The following ADCY6 variants were observed in gnomAD, a reference collection of about 807,000 sequenced individuals.
ADCY6 encodes the protein adenylate cyclase 6, also known as adenylate cyclase type 6.
Under a neutral mutation model 111.6 loss-of-function variants are expected in ADCY6, and 59 were observed. The ratio of observed to expected loss-of-function variants is 0.53; its 90% CI spans 0.43 to 0.66. The LOEUF is 0.66. Among genes scored for constraint, ADCY6 ranks in the 30% least tolerant of loss-of-function variants. ADCY6 has a pLI of 0.00. For missense variants in ADCY6, 1,242 were observed against 1,595.6 expected (o/e 0.78, Z 3.78); for synonymous variants, 576 against 642.9 (o/e 0.90, Z 1.57).
intron 16 of ADCY6, 36 bp from the exon 17 acceptor site, chr12:48,772,579 C>T (rs1941580153): frequency 1.2e-6 from 2 of 1,613,152 alleles, no homozygotes; most frequent in Non-Finnish European, 1.7e-6. Context: ...GTCATCAGTG[C>T]TTCCTGGATT....
At chr12:48,784,302 G>C (rs2137393091) in intron 1 of ADCY6, among the ~76,000 whole-genome samples, 1 of 140,316 alleles carries the variant, frequency 7.1e-6, no homozygotes, top group Middle Eastern at 3.5e-3. Context: ...GGAAGGAAGG[G>C]AGGGAAGGGA....
intron 16 of ADCY6, 133 bp from the exon 17 acceptor site, chr12:48,772,676 T>A: frequency 1.0e-6 from 1 of 996,972 alleles, no homozygotes; most frequent in Non-Finnish European, 1.5e-6. Flanking sequence ...GGCTTTTACT[T>A]ACATTAATTA....
intron 2 of ADCY6, among the ~76,000 whole-genome samples, chr12:48,780,843 T>C (rs574739340): frequency 1.3e-5 from 2 of 152,302 alleles, no homozygotes; most frequent in East Asian, 3.9e-4. Flanking sequence ...GACAGTGCCC[T>C]AAGGGCACGT....
At chr12:48,775,772 C>A in intron 9 of ADCY6, 74 bp from the exon 10 acceptor site, 1 of 1,564,234 alleles carries the variant, frequency 6.4e-7, no homozygotes, top group Non-Finnish European at 8.7e-7. Context: ...TTCCCCCACC[C>A]CAACACTGTG....
At chr12:48,784,549 G>A (rs758748082) in intron 1 of ADCY6, among the ~76,000 whole-genome samples, 1 of 151,544 alleles carries the variant, frequency 6.6e-6, no homozygotes, top group Non-Finnish European at 1.5e-5. Context: ...GGGAGGAAAA[G>A]AGTTCATACC....
rs1031645727 is a variant in ADCY6, at chr12:48,782,455, C to T, written c.864+116G>A. 18 of 1,464,450 alleles carry T rather than the reference C, an allele frequency of 1.2e-5. No individual in the cohort carries two copies. Among genetic ancestry groups the T allele is most frequent in the Non-Finnish European group, 1.6e-5 (18 of 1,107,178 alleles). 90.7% of individuals were successfully genotyped at this position (1,464,450 alleles called of 1,614,324 possible). A position where few individuals can be genotyped will look rare whatever the true frequency, so the allele number is the denominator to read the frequency against. Reference sequence around the variant, plus strand: ...TCCTCCCAGATACAGCCAGACATCCCTGCACCCAGCTTCCACCCATGACTC... The same window carrying T: ...TCCTCCCAGATACAGCCAGACATCCTTGCACCCAGCTTCCACCCATGACTC... On this transcript the variant is annotated intron_variant, in intron 2 of 21. Coordinates refer to ENST00000357869, the MANE Select transcript of ADCY6 (RefSeq NM_015270.5). This position sits in a 1 kb window ranked among gnomAD's most constrained non-coding sequence, Gnocchi z 4.3.
At position 48,771,695 on chromosome 12, in the gene ADCY6, C is replaced by T. The variant is rs759549914; in HGVS notation, c.3051+15G>A. The T allele has an allele frequency of 6.2e-7, 1 of 1,613,776 alleles. No homozygotes were observed. On this transcript the variant is annotated intron_variant, in intron 19 of 21. Coordinates refer to ENST00000357869, the MANE Select transcript of ADCY6 (RefSeq NM_015270.5). This position sits in a 1 kb window ranked among gnomAD's most constrained non-coding sequence, Gnocchi z 4.3. ...CCCCCCACTCTCTGCCACCACCAGC[C>T]AACTGGAAAAGTACCTCATCAAAGT...
At chr12:48,770,744 C>T in intron 20 of ADCY6, 22 bp downstream of exon 20, 1 of 1,609,222 alleles carries the variant, frequency 6.2e-7, no homozygotes, top group Non-Finnish European at 8.5e-7. Context: ...GGAAAACCCG[C>T]CAAGCAACAA....
intron 1 of ADCY6, among the ~76,000 whole-genome samples, chr12:48,785,199 A>G (rs1370498366): frequency 1.3e-5 from 2 of 152,098 alleles, no homozygotes; most frequent in Non-Finnish European, 2.9e-5. Context: ...AGCAACTGCC[A>G]TTCTATATAT....
chr12:48,768,230 C>G lies in ADCY6; in HGVS notation c.*361G>C, dbSNP rs938316144. The G allele has an allele frequency of 1.4e-5, 5 of 353,914 alleles. No individual in the cohort carries two copies. The Admixed American group carries it at 2.1e-4, about 15-fold the overall frequency. The allele number at this position is 353,914 out of a possible 1,614,324, so 21.9% of individuals were successfully genotyped here. Reference sequence around the variant, plus strand: ...AAGGGCTCAGCCCTGAACCTGCTGCCCAGACAGACAGGGAAGGGTAGGCAT... The same window carrying G: ...AAGGGCTCAGCCCTGAACCTGCTGCGCAGACAGACAGGGAAGGGTAGGCAT... On this transcript the variant is annotated 3_prime_UTR_variant, in exon 22 of 22. Transcript: ENST00000357869.
intron 1 of ADCY6, among the ~76,000 whole-genome samples, chr12:48,786,779 A>G (rs1941985967): frequency 6.6e-6 from 1 of 152,206 alleles, no homozygotes. Flanking sequence ...GCTCTTCAAA[A>G]TACTTCATTA....
Position 48,776,307 on chromosome 12 carries a change from C to G in ADCY6, c.1579G>C (p.Asp527His). 6.2e-7 allele frequency: 1 copy of G among 1,614,252 alleles called. No individual in the cohort carries two copies. Among genetic ancestry groups the G allele is most frequent in the Non-Finnish European group, 8.5e-7 (1 of 1,180,052 alleles). The change falls in exon 8 of 22, where the codon GAC (aspartate) becomes CAC (histidine). Residue 527 changes from aspartate (D) to histidine (H), a missense_variant. This residue lies in a region of ADCY6 where 260 missense variants were observed against 414.6 expected (regional missense o/e 0.63). Coordinates refer to ENST00000357869, the MANE Select transcript of ADCY6 (RefSeq NM_015270.5). The surrounding 1 kb of genome is among the most constrained non-coding windows in gnomAD (Gnocchi z 6.1). ...TRATLQYLNG[D>H]YEVEPGRGGE... ...CCACGGCCTGGCTCCACCTCGTAGT[C>G]CCCGTTCAGGTACTGCAGTGTTGCC... is the stretch of plus-strand genomic sequence containing the variant.
chr12:48,774,378 G>A, intron 14 of ADCY6, 24 bp downstream of exon 14: 4 of 1,583,814 alleles, frequency 2.5e-6, no homozygotes, highest in African/African-American at 1.3e-5. Context: ...AGCAGAGGTG[G>A]GAGAATTCCC....
At chr12:48,769,136 C>G (rs1049776792) in intron 20 of ADCY6, 75 bp from the exon 21 acceptor site, 60 of 1,388,016 alleles carry the variant, frequency 4.3e-5, no homozygotes, top group Middle Eastern at 1.9e-4. Context: ...CCTCCTGGCA[C>G]TGGTAGAAGG....
At position 48,782,508 on chromosome 12, in the gene ADCY6, C is replaced by T. The variant is rs772606594; in HGVS notation, c.864+63G>A. On this transcript the variant is annotated intron_variant, in intron 2 of 21. Transcript: ENST00000357869. The surrounding 1 kb of genome is among the most constrained non-coding windows in gnomAD (Gnocchi z 4.3). ...CCGCCCTTCCTCACTAAGCCCCCACCTGCTTATGAGGTGAGAAATTCCCCA... is the reference window on the plus strand; with the variant it reads ...CCGCCCTTCCTCACTAAGCCCCCACTTGCTTATGAGGTGAGAAATTCCCCA... 1 of 1,540,218 alleles carries T rather than the reference C, an allele frequency of 6.5e-7. No individual in the cohort carries two copies. Among genetic ancestry groups the T allele is most frequent in the Non-Finnish European group, 8.8e-7 (1 of 1,142,626 alleles).
chr12:48,772,626 C>T, intron 16 of ADCY6, 83 bp from the exon 17 acceptor site: 1 of 1,505,594 alleles, frequency 6.6e-7, no homozygotes, highest in South Asian at 1.1e-5. Context: ...CAAGAGACTG[C>T]ATTTACTGAG....
chr12:48,787,548 C>T (rs1326315596), intron 1 of ADCY6, among the ~76,000 whole-genome samples: 1 of 152,188 alleles, frequency 6.6e-6, no homozygotes, highest in Non-Finnish European at 1.5e-5. Context: ...CCATGCCAGA[C>T]TGGTATGGCA....
chr12:48,782,751 G>A lies in ADCY6; in HGVS notation c.684C>T (p.Leu228=), dbSNP rs770965801. The change falls in exon 2 of 22, where the codon CTC becomes CTT. Residue 228 remains leucine, a synonymous_variant. Coordinates refer to ENST00000357869, the MANE Select transcript of ADCY6 (RefSeq NM_015270.5). This position sits in a 1 kb window ranked among gnomAD's most constrained non-coding sequence, Gnocchi z 4.3. The part of the protein sequence containing the change: ...ILAAVQVGGA[L]AADPRSPSAG... Reference sequence around the variant, plus strand: ...CAGAGGGGCTGCGCGGGTCTGCTGCGAGAGCGCCCCCGACCTGCACTGCCG... The same window carrying A: ...CAGAGGGGCTGCGCGGGTCTGCTGCAAGAGCGCCCCCGACCTGCACTGCCG... 1.2e-6 allele frequency: 2 copies of A among 1,608,282 alleles called. No homozygotes were observed. Among genetic ancestry groups the A allele is most frequent in the South Asian group, 2.2e-5 (2 of 90,342 alleles).
Position 48,768,493 on chromosome 12 carries a change from G to A in ADCY6, c.*98C>T. 1 of 1,560,610 alleles carries A rather than the reference G, an allele frequency of 6.4e-7. No homozygotes were observed. Among genetic ancestry groups the A allele is most frequent in the South Asian group, 1.1e-5 (1 of 89,076 alleles). On this transcript the variant is annotated 3_prime_UTR_variant, in exon 22 of 22. Coordinates refer to ENST00000357869, the MANE Select transcript of ADCY6 (RefSeq NM_015270.5). ...TTCCCTTTTGTGGTTAGCAGGGTCT[G>A]GAGGCTCAGTGCCCCCTGCCACAGC...
Sources: allele counts gnomAD v4.1 joint callset (sites outside exome capture counted in the v4.1 genomes callset), GRCh38; gene constraint gnomAD v4.1.1; regional missense constraint gnomAD v4.1.1; non-coding constraint Gnocchi (gnomAD v3.1); transcripts MANE v1.5; gene names NCBI Gene and HGNC (gene_info 2026-07-23, HGNC 2026-07-21).